AGBL2: variants seen among roughly 807,000 people sequenced by gnomAD.
The protein encoded by AGBL2 is cytosolic carboxypeptidase 2.
A neutral mutation model predicts 103.0 loss-of-function variants in AGBL2; 87 were observed. The observed-to-expected ratio is 0.84, with a 90% confidence interval of 0.71 to 1.01. The LOEUF is 1.01. Among genes scored for constraint, AGBL2 ranks in the 50% least tolerant of loss-of-function variants. AGBL2 has a pLI of 0.00. For synonymous variants in AGBL2, 335 were observed against 356.7 expected (o/e 0.94, Z 0.69); for missense variants, 904 against 1,023.5 (o/e 0.88, Z 1.59).
chr11:47,687,349 T>C lies in AGBL2; in HGVS notation c.1632-1300A>G, dbSNP rs975782198. On this transcript the variant is annotated intron_variant, in intron 10 of 18. Coordinates refer to ENST00000525123, the MANE Select transcript of AGBL2 (RefSeq NM_024783.4). ...AATATCAACAGAGGGGACAGTATTA[T>C]ATGTTTTGTCCTACAAAAATATAGC... 4.6e-5 allele frequency among the ~76,000 whole-genome samples: 7 copies of C among 151,926 alleles called. 1 individual carries two copies. Among genetic ancestry groups the C allele is most frequent in the Admixed American group, 1.3e-4 (2 of 15,228 alleles).
chr11:47,706,567 G>A (rs867492011), intron 4 of AGBL2, among the ~76,000 whole-genome samples: 79 of 152,128 alleles, frequency 5.2e-4, no homozygotes, highest in African/African-American at 1.8e-3. Context: ...TATGACAGGT[G>A]CCCTTATAAA....
Position 47,692,103 on chromosome 11 carries a change from A to C in AGBL2, c.848T>G (p.Val283Gly). Residue 283 changes from valine to glycine, a missense_variant and splice_region_variant, in exon 9 of 19, where the codon GTA (valine) becomes GGA (glycine). Transcript: ENST00000525123. ...ESGNLQKAVR[V>G]DTYEYELTLR... ...ATCCCTTTGAGAAATTGTTACTCAC[A>C]CTCTGACAGCTTTTTGCAGATTCCC... The C allele has an allele frequency of 6.2e-7, 1 of 1,608,910 alleles. No homozygotes were observed. The highest frequency in any genetic ancestry group is 8.5e-7 in the Non-Finnish European group (1 of 1,176,522).
chr11:47,667,813 G>A, intron 15 of AGBL2, 117 bp from the exon 16 acceptor site: 1 of 1,188,976 alleles, frequency 8.4e-7, no homozygotes, highest in East Asian at 2.4e-5. Context: ...GCAGATTTGT[G>A]GTGTTGGTTT....
chr11:47,681,164 T>C (rs1464473489), intron 12 of AGBL2, among the ~76,000 whole-genome samples: 2 of 151,460 alleles, frequency 1.3e-5, no homozygotes, highest in African/African-American at 2.4e-5. Flanking sequence ...ACCCTGTCTC[T>C]ACAAAAAAAA....
At chr11:47,706,890 CCAAAAAA>C (rs1310294276) in intron 4 of AGBL2, among the ~76,000 whole-genome samples, 9 of 53,232 alleles carry the variant, frequency 1.7e-4, no homozygotes, top group East Asian at 1.0e-3. Context: ...CTCTACTATT[CCAAAAAA>C]AAAAAAAAAA....
intron 4 of AGBL2, chr11:47,710,092 C>A (rs1384940949): frequency 3.5e-6 from 1 of 289,830 alleles, no homozygotes; most frequent in East Asian, 6.6e-5. Flanking sequence ...TTTTGCCATG[C>A]TGGTCAGACT....
chr11:47,691,429 C>T (rs961318141), intron 9 of AGBL2, among the ~76,000 whole-genome samples: 4 of 150,256 alleles, frequency 2.7e-5, no homozygotes, highest in East Asian at 2.0e-4. Context: ...TATAAATGGC[C>T]GGGCACAGTG....
intron 8 of AGBL2, among the ~76,000 whole-genome samples, chr11:47,694,527 C>T (rs2097459755): frequency 6.6e-6 from 1 of 152,156 alleles, no homozygotes; most frequent in Non-Finnish European, 1.5e-5. Flanking sequence ...GGCCTATCTG[C>T]TCCTTGCCTA....
At chr11:47,676,241 GGA>G (rs1397619202) in intron 14 of AGBL2, among the ~76,000 whole-genome samples, 1 of 151,964 alleles carries the variant, frequency 6.6e-6, no homozygotes, top group Non-Finnish European at 1.5e-5. Flanking sequence ...AACCAATTGT[GGA>G]GTCATTCTCT....
At chr11:47,691,997 C>A in intron 9 of AGBL2, 106 bp downstream of exon 9, 1 of 1,013,350 alleles carries the variant, frequency 9.9e-7, no homozygotes, top group Non-Finnish European at 1.4e-6. Flanking sequence ...ATAACTATTC[C>A]CCATCACCTC....
chr11:47,712,690 G>A (rs1271423821), intron 3 of AGBL2, among the ~76,000 whole-genome samples: 1 of 152,014 alleles, frequency 6.6e-6, no homozygotes, highest in Non-Finnish European at 1.5e-5. Flanking sequence ...GATCACCTTA[G>A]GTCAGGAGTT....
chr11:47,662,017 G>A (rs1458263220), intron 18 of AGBL2, among the ~76,000 whole-genome samples: 2 of 151,620 alleles, frequency 1.3e-5, no homozygotes, highest in Non-Finnish European at 2.9e-5. Flanking sequence ...CCAAAGTGCT[G>A]GGATTACAGG....
intron 4 of AGBL2, among the ~76,000 whole-genome samples, chr11:47,707,983 G>A (rs2097526191): frequency 1.3e-5 from 2 of 151,780 alleles, no homozygotes; most frequent in African/African-American, 4.8e-5. Context: ...CAAAATCCTG[G>A]GCAATTCTGG....
chr11:47,673,242 C>A (rs994261419), intron 14 of AGBL2, among the ~76,000 whole-genome samples: 6 of 152,056 alleles, frequency 3.9e-5, no homozygotes, highest in African/African-American at 7.2e-5. Flanking sequence ...ATCCCAGCAC[C>A]TTGGGAGGCC....
At chr11:47,670,983 C>T (rs2097355614) in intron 14 of AGBL2, among the ~76,000 whole-genome samples, 1 of 151,394 alleles carries the variant, frequency 6.6e-6, no homozygotes, top group Admixed American at 6.6e-5. Flanking sequence ...GACAGAGCGA[C>T]ACTCTTTCTA....
intron 7 of AGBL2, among the ~76,000 whole-genome samples, chr11:47,701,828 G>A (rs1057150806): frequency 1.3e-5 from 2 of 151,984 alleles, no homozygotes; most frequent in Admixed American, 6.6e-5. Context: ...TAAAAAATGA[G>A]CAGAGTGTGG....
In AGBL2 at chr11:47,686,447, G is replaced by T. The variant is rs112733565; in HGVS notation, c.1632-398C>A. Among the ~76,000 whole-genome samples the T allele has an allele frequency of 7.5e-3, 785 of 105,088 alleles. 12 individuals are homozygous for T. Among genetic ancestry groups the T allele is most frequent in the African/African-American group, 0.022 (631 of 28,758 alleles). 68.9% of individuals were successfully genotyped at this position (105,088 alleles called of 152,430 possible). ...ATACACCCAGCTATTTTTGTTTCTG[G>T]TTTTTTTTTTTTTTTTTTTTTTGTA... On this transcript the variant is annotated intron_variant, in intron 10 of 18. Coordinates refer to ENST00000525123, the MANE Select transcript of AGBL2 (RefSeq NM_024783.4).
Position 47,715,307 on chromosome 11 carries a change from G to A in AGBL2, c.-233C>T, listed in dbSNP as rs1407073998. The A allele has an allele frequency of 6.6e-6, 1 of 152,316 alleles. No individual in the cohort carries two copies. Among genetic ancestry groups the A allele is most frequent in the Admixed American group, 6.5e-5 (1 of 15,270 alleles). The allele number at this position is 152,316 out of a possible 1,614,324, so 9.4% of individuals were successfully genotyped here. ...TAAGTACAGAGGCCAAGCAGTGTGC[G>A]GGCAAGGGGACAAACTCGCTGCACC... On this transcript the variant is annotated 5_prime_UTR_variant, in exon 1 of 19. Transcript: ENST00000525123.
Position 47,714,963 on chromosome 11 carries a change from C to T in AGBL2, c.-101+212G>A, listed in dbSNP as rs1338912261. 3 of 369,892 alleles carry T rather than the reference C, an allele frequency of 8.1e-6. No individual in the cohort carries two copies. The Middle Eastern group carries it at 2.4e-3, about 294-fold the overall frequency. The allele number at this position is 369,892 out of a possible 1,614,324, so 22.9% of individuals were successfully genotyped here. On this transcript the variant is annotated intron_variant, in intron 1 of 18. Transcript: ENST00000525123. ...GTGCTGGCCCCATGCTTCCCTTTCC[C>T]TGAGAAAGGAGATGCTCGCCACAGG...
Sources: allele counts gnomAD v4.1 joint callset (sites outside exome capture counted in the v4.1 genomes callset), GRCh38; gene constraint gnomAD v4.1.1; transcripts MANE v1.5; gene names NCBI Gene and HGNC (gene_info 2026-07-23, HGNC 2026-07-21).